RORB: variants seen among roughly 807,000 people sequenced by gnomAD.
RORB encodes nuclear receptor ROR-beta.
In RORB, 6 loss-of-function variants were observed where a neutral mutation model predicts 59.1. That is an observed-to-expected ratio of 0.10 (90% CI 0.06 to 0.20). RORB has a LOEUF of 0.20. Among genes scored for constraint, RORB ranks in the 10% least tolerant of loss-of-function variants. The pLI, the probability that RORB is intolerant of heterozygous loss-of-function variation, is 1.00. For synonymous variants in RORB, 215 were observed against 204.5 expected (o/e 1.05, Z -0.44); for missense variants, 320 against 560.5 (o/e 0.57, Z 4.33).
At chr9:74,652,291 C>T (rs1824005744) in intron 4 of RORB, among the ~76,000 whole-genome samples, 1 of 152,154 alleles carries the variant, frequency 6.6e-6, no homozygotes, top group Admixed American at 6.5e-5. Flanking sequence ...GCCTGTAGTC[C>T]CAGCTAGTTG....
chr9:74,552,708 C>A (rs973241392), intron 1 of RORB, among the ~76,000 whole-genome samples: 2 of 151,956 alleles, frequency 1.3e-5, no homozygotes, highest in African/African-American at 4.8e-5. Flanking sequence ...ATATTGAGCA[C>A]ATATCATGCA....
At position 74,505,974 on chromosome 9, in the gene RORB, T is replaced by TA. The variant is rs34273204; in HGVS notation, c.7+8003dup. On this transcript the variant is annotated intron_variant, in intron 1 of 9. Coordinates refer to ENST00000376896, the MANE Select transcript of RORB (RefSeq NM_006914.4). ...GTAAGGAAGAGGGTACAGCTTGTTT[T>TA]AAAAAAAAAAAAGTATCACCAAGAA... Among the ~76,000 whole-genome samples the TA allele has an allele frequency of 2.9e-3, 423 of 144,962 alleles. 1 individual carries two copies. The highest frequency in any genetic ancestry group is 8.6e-3 in the African/African-American group (340 of 39,746).
chr9:74,656,422 G>T (rs749984457), intron 4 of RORB, among the ~76,000 whole-genome samples: 3 of 152,136 alleles, frequency 2.0e-5, no homozygotes, highest in Admixed American at 6.5e-5. Flanking sequence ...TCTTTGCCAT[G>T]ACTAAAGTCA....
At chr9:74,498,348 T>G in intron 1 of RORB, 3 of 213,114 alleles carry the variant, frequency 1.4e-5, no homozygotes, top group Admixed American at 5.6e-5. Context: ...AGGAGCAGTT[T>G]GGAAGCGCCC....
intron 1 of RORB, among the ~76,000 whole-genome samples, chr9:74,615,335 T>G (rs1328787220): frequency 1.3e-5 from 2 of 152,206 alleles, no homozygotes; most frequent in Non-Finnish European, 2.9e-5. Context: ...TGCTGATTGC[T>G]ATTAAGCAAA....
chr9:74,558,134 A>G (rs115413416), intron 1 of RORB, among the ~76,000 whole-genome samples: 280 of 152,214 alleles, frequency 1.8e-3, no homozygotes, highest in African/African-American at 6.5e-3. Flanking sequence ...TTTTAAAACT[A>G]CTATATTTTT....
chr9:74,659,508 CGTTTT>C (rs1824146121), intron 4 of RORB, among the ~76,000 whole-genome samples: 1 of 150,074 alleles, frequency 6.7e-6, no homozygotes, highest in Admixed American at 6.7e-5. Context: ...TGTTTTGCTT[CGTTTT>C]GTTTTGTTTT....
In RORB at chr9:74,674,768, C is replaced by T. The variant is rs745501583; in HGVS notation, c.1224+2867C>T. Among the ~76,000 whole-genome samples, 3 of 152,098 alleles carry T rather than the reference C, an allele frequency of 2.0e-5. No individual in the cohort carries two copies. The East Asian group carries it at 5.8e-4, about 29-fold the overall frequency. Reference sequence around the variant, plus strand: ...GAGAGTTGGTTAGGGGAAAAAAAAACCCTATTAAAACATCTAGTTTCTTCT... The same window carrying T: ...GAGAGTTGGTTAGGGGAAAAAAAAATCCTATTAAAACATCTAGTTTCTTCT... On this transcript the variant is annotated intron_variant, in intron 9 of 9. Transcript: ENST00000376896.
intron 1 of RORB, among the ~76,000 whole-genome samples, chr9:74,606,101 C>T (rs1473410349): frequency 6.6e-6 from 1 of 152,190 alleles, no homozygotes; most frequent in Non-Finnish European, 1.5e-5. Flanking sequence ...ACCTACCACC[C>T]AGAGTTGTTG....
At chr9:74,556,976 C>T (rs1458668183) in intron 1 of RORB, among the ~76,000 whole-genome samples, 7 of 152,098 alleles carry the variant, frequency 4.6e-5, no homozygotes, top group African/African-American at 1.7e-4. Context: ...TCTGACTATA[C>T]TATCGTATGG....
intron 4 of RORB, among the ~76,000 whole-genome samples, chr9:74,644,794 G>A (rs62571986): frequency 6.6e-6 from 1 of 152,076 alleles, no homozygotes; most frequent in Non-Finnish European, 1.5e-5. Context: ...ATATTCAAAA[G>A]GGGAGTCTTC....
chr9:74,670,649 G>A (rs186341836), intron 8 of RORB, among the ~76,000 whole-genome samples: 1 of 152,090 alleles, frequency 6.6e-6, no homozygotes, highest in Non-Finnish European at 1.5e-5. Flanking sequence ...TGCCACCCTG[G>A]CTTAGTGCCA....
intron 1 of RORB, among the ~76,000 whole-genome samples, chr9:74,590,745 C>G (rs1359707812): frequency 6.6e-6 from 1 of 152,136 alleles, no homozygotes; most frequent in Non-Finnish European, 1.5e-5. Context: ...TGTATTTTCA[C>G]TTCAAAAATC....
At chr9:74,663,818 G>C (rs1010029150) in intron 6 of RORB, among the ~76,000 whole-genome samples, 1 of 152,122 alleles carries the variant, frequency 6.6e-6, no homozygotes, top group Non-Finnish European at 1.5e-5. Flanking sequence ...GCTTGGACTT[G>C]CTCAAGGCTC....
intron 1 of RORB, among the ~76,000 whole-genome samples, chr9:74,589,918 G>T (rs1406270552): frequency 2.0e-5 from 3 of 152,194 alleles, no homozygotes; most frequent in Non-Finnish European, 4.4e-5. Context: ...GTGGCTTTCT[G>T]TGGTGGATAA....
intron 1 of RORB, among the ~76,000 whole-genome samples, chr9:74,512,803 C>T (rs1825959818): frequency 6.6e-6 from 1 of 152,088 alleles, no homozygotes; most frequent in African/African-American, 2.4e-5. Context: ...TTCTGCCTCC[C>T]CCTTTACAAT....
intron 1 of RORB, among the ~76,000 whole-genome samples, chr9:74,629,632 CCT>C (rs1482694363): frequency 2.0e-5 from 3 of 152,006 alleles, no homozygotes; most frequent in Non-Finnish European, 4.4e-5. Flanking sequence ...TATTTGGTAC[CCT>C]CATAATTTAT....
chr9:74,503,825 A>G (rs1259005120), intron 1 of RORB, among the ~76,000 whole-genome samples: 1 of 152,056 alleles, frequency 6.6e-6, no homozygotes, highest in East Asian at 1.9e-4. Context: ...CCAGTGCACC[A>G]ATATAATAGG....
At chr9:74,508,242 A>G (rs933028178) in intron 1 of RORB, among the ~76,000 whole-genome samples, 1 of 152,002 alleles carries the variant, frequency 6.6e-6, no homozygotes, top group African/African-American at 2.4e-5. Context: ...AGAAATATCA[A>G]TAATGAGAAT....
Sources: allele counts gnomAD v4.1 joint callset (sites outside exome capture counted in the v4.1 genomes callset), GRCh38; gene constraint gnomAD v4.1.1; transcripts MANE v1.5; gene names NCBI Gene and HGNC (gene_info 2026-07-23, HGNC 2026-07-21).